DRG1: variants seen among roughly 807,000 people sequenced by gnomAD.
DRG1 encodes developmentally regulated GTP binding protein 1.
DRG1 carries 19 observed loss-of-function variants against 38.8 expected under a neutral mutation model. The ratio of observed to expected loss-of-function variants is 0.49; its 90% CI spans 0.34 to 0.72. The LOEUF is 0.72. Ranked by LOEUF, DRG1 falls within the 30% of genes least tolerant of loss-of-function variation. The pLI is 0.01. For missense variants in DRG1, 299 were observed against 444.8 expected (o/e 0.67, Z 2.95); for synonymous variants, 167 against 157.5 (o/e 1.06, Z -0.45).
intron 4 of DRG1, among the ~76,000 whole-genome samples, chr22:31,415,169 C>A (rs1697656301): frequency 6.6e-6 from 1 of 152,110 alleles, no homozygotes; most frequent in African/African-American, 2.4e-5. Flanking sequence ...CTCTTAAATT[C>A]TATGTCTAAT....
chr22:31,418,895 A>G (rs554814660), intron 4 of DRG1, among the ~76,000 whole-genome samples: 45 of 152,152 alleles, frequency 3.0e-4, no homozygotes, highest in Non-Finnish European at 5.3e-4. Context: ...GTTGGCCGGG[A>G]TGGTCTCAAT....
chr22:31,423,142 C>T, intron 5 of DRG1, 138 bp from the exon 6 acceptor site: 3 of 1,050,848 alleles, frequency 2.9e-6, no homozygotes, highest in Non-Finnish European at 4.1e-6. Context: ...TACTAAAAGT[C>T]AGTGACACTC....
intron 4 of DRG1, 101 bp from the exon 5 acceptor site, chr22:31,420,155 T>A: frequency 7.4e-7 from 1 of 1,347,080 alleles, no homozygotes; most frequent in Non-Finnish European, 1.0e-6. Flanking sequence ...AAAAATCCTT[T>A]GACACTTAAA....
At chr22:31,425,804 G>A (rs2050106756) in intron 6 of DRG1, among the ~76,000 whole-genome samples, 1 of 152,232 alleles carries the variant, frequency 6.6e-6, no homozygotes. Context: ...GCATTTGCAT[G>A]TAATATTTTT....
chr22:31,422,436 GA>G (rs936288887), intron 5 of DRG1, among the ~76,000 whole-genome samples: 1 of 151,102 alleles, frequency 6.6e-6, no homozygotes. Context: ...CGTCTCAAAA[GA>G]AAAAAAAGAA....
chr22:31,434,038 C>G lies in DRG1; in HGVS notation c.*67C>G. The stretch of plus-strand genomic sequence containing the variant: ...GTTCCCCATGATCAAGCACCCTACC[C>G]CAGTTCTTTCTGGTTTTGGCAGTCA... On this transcript the variant is annotated 3_prime_UTR_variant, in exon 9 of 9. Transcript: ENST00000331457. 2.0e-6 allele frequency: 3 copies of G among 1,470,032 alleles called. No individual in the cohort carries two copies. Among genetic ancestry groups the G allele is most frequent in the Non-Finnish European group, 2.8e-6 (3 of 1,062,442 alleles). The allele number at this position is 1,470,032 out of a possible 1,614,324, so 91.1% of individuals were successfully genotyped here.
At chr22:31,432,340 T>TTA (rs2050143746) in intron 8 of DRG1, among the ~76,000 whole-genome samples, 1 of 151,988 alleles carries the variant, frequency 6.6e-6, no homozygotes, top group East Asian at 1.9e-4. Context: ...GCCTAATTAA[T>TTA]TATAACATTT....
rs2050115374 is a variant in DRG1, at chr22:31,427,131, T to G, written c.953T>G (p.Val318Gly). The change falls in exon 8 of 9, where the codon GTG (valine) becomes GGG (glycine). Residue 318 changes from valine (V) to glycine (G), a missense_variant. Val to Gly is a moderately radical substitution (Grantham distance 109). Coordinates refer to ENST00000331457, the MANE Select transcript of DRG1 (RefSeq NM_004147.4). ...GTGCTTCCTTACTCCAGGACCACAG[T>G]GGAGGATTTCTGCATGAAGATTCAC... ...PVVLPYSRTT[V>G]EDFCMKIHKN... 6.2e-7 allele frequency: 1 copy of G among 1,614,168 alleles called. No homozygotes were observed. Among genetic ancestry groups the G allele is most frequent in the Non-Finnish European group, 8.5e-7 (1 of 1,180,026 alleles).
chr22:31,420,454 C>T (rs1308824006), intron 5 of DRG1, 29 bp downstream of exon 5: 2 of 1,613,044 alleles, frequency 1.2e-6, no homozygotes, highest in East Asian at 2.2e-5. Flanking sequence ...ATGGGGCAGG[C>T]TGCTGCAGGA....
intron 4 of DRG1, among the ~76,000 whole-genome samples, chr22:31,413,481 G>A (rs1023934489): frequency 4.6e-5 from 7 of 151,662 alleles, no homozygotes; most frequent in Admixed American, 3.3e-4. Context: ...GCTATTGAGT[G>A]TATTTCTGCT....
chr22:31,404,289 G>T (rs1488645180), intron 3 of DRG1, among the ~76,000 whole-genome samples: 1 of 148,930 alleles, frequency 6.7e-6, no homozygotes, highest in Non-Finnish European at 1.5e-5. Context: ...TCCCAGGCTA[G>T]AATGCAGTGG....
rs752000126 is a variant in DRG1 at position 31,399,701 on chromosome 22, T to A, written c.18T>A (p.Ala6=). The A allele has an allele frequency of 6.2e-7, 1 of 1,613,994 alleles. No individual in the cohort carries two copies. Among genetic ancestry groups the A allele is most frequent in the Non-Finnish European group, 8.5e-7 (1 of 1,179,872 alleles). ...TCGCCACGATGAGCAGCACCTTAGC[T>A]AAGATCGCGGAGATAGAAGCAGAGG... MSSTL[A]KIAEIEAEMA... is the part of the protein sequence containing the mutation. Residue 6 remains alanine (A), a synonymous_variant, in exon 1 of 9, where the codon GCT becomes GCA. Coordinates refer to ENST00000331457, the MANE Select transcript of DRG1 (RefSeq NM_004147.4).
intron 8 of DRG1, among the ~76,000 whole-genome samples, chr22:31,429,257 T>TA (rs1392896465): frequency 6.6e-6 from 1 of 152,086 alleles, no homozygotes; most frequent in Non-Finnish European, 1.5e-5. Flanking sequence ...TAGCTGGTAC[T>TA]ACAGGCGTGT....
chr22:31,401,820 G>A lies in DRG1; in HGVS notation c.166+1077G>A, dbSNP rs766846528. ...TGTAATCCCAGCACTTCGGGAGGCC[G>A]AAGTGGGCAGATCACAGGTCAGGAG... On this transcript the variant is annotated intron_variant, in intron 2 of 8. Coordinates refer to ENST00000331457, the MANE Select transcript of DRG1 (RefSeq NM_004147.4). Among the ~76,000 whole-genome samples the A allele has an allele frequency of 4.6e-5, 7 of 152,076 alleles. No homozygotes were observed. The East Asian group carries it at 5.8e-4, about 13-fold the overall frequency.
rs767982011 is a variant in DRG1, at chr22:31,422,385, C to T, written c.583-895C>T. Among the ~76,000 whole-genome samples, 12 of 150,356 alleles carry T rather than the reference C, an allele frequency of 8.0e-5. 1 individual carries two copies. Among genetic ancestry groups the T allele is most frequent in the African/African-American group, 2.2e-4 (9 of 40,878 alleles). On this transcript the variant is annotated intron_variant, in intron 5 of 8. Coordinates refer to ENST00000331457, the MANE Select transcript of DRG1 (RefSeq NM_004147.4). Reference sequence around the variant, plus strand: ...GGCGGAGGTTGCAGTGAGCTGAGATCGCGCCACTGCACTCCAGCCTGGGCA... The same window carrying T: ...GGCGGAGGTTGCAGTGAGCTGAGATTGCGCCACTGCACTCCAGCCTGGGCA...
chr22:31,415,613 C>T (rs1601529394), intron 4 of DRG1, among the ~76,000 whole-genome samples: 1 of 152,156 alleles, frequency 6.6e-6, no homozygotes, highest in Non-Finnish European at 1.5e-5. Context: ...CCGCCTGCCT[C>T]GGCCTCCCAA....
At chr22:31,401,246 T>TTC (rs2049959238) in intron 2 of DRG1, among the ~76,000 whole-genome samples, 8 of 150,048 alleles carry the variant, frequency 5.3e-5, no homozygotes, top group Admixed American at 5.3e-4. Context: ...CTCTATGGGC[T>TTC]TAGAAATGAG....
intron 4 of DRG1, among the ~76,000 whole-genome samples, chr22:31,417,348 C>A (rs370861306): frequency 6.8e-6 from 1 of 146,126 alleles, no homozygotes; most frequent in East Asian, 2.1e-4. Context: ...TCCAGCCTGG[C>A]GACAGAGCAA....
Position 31,433,985 on chromosome 22 carries a change from T to TC in DRG1, c.*17dup. On this transcript the variant is annotated 3_prime_UTR_variant, in exon 9 of 9. Transcript: ENST00000331457. Reference sequence around the variant, plus strand: ...GTGAAGAAGTGAAACCTTTCCCTTTTCCCATCTGCCGGACGAACCACAACA... The same window carrying TC: ...GTGAAGAAGTGAAACCTTTCCCTTTTCCCCATCTGCCGGACGAACCACAACA... 1 of 1,612,114 alleles carries TC rather than the reference T, an allele frequency of 6.2e-7. No homozygotes were observed. The highest frequency in any genetic ancestry group is 8.5e-7 in the Non-Finnish European group (1 of 1,178,406).
Sources: gnomAD v4.1 joint callset for allele counts (sites outside exome capture counted in the v4.1 genomes callset) on GRCh38, gnomAD v4.1.1 for gene constraint, MANE v1.5 for transcripts, NCBI Gene and HGNC (gene_info 2026-07-23, HGNC 2026-07-21) for gene names.